The following STXBP5L variants were observed in gnomAD, a reference collection of about 807,000 sequenced individuals.
STXBP5L encodes the protein syntaxin-binding protein 5-like.
A neutral mutation model predicts 144.5 loss-of-function variants in STXBP5L; 65 were observed. The ratio of observed to expected loss-of-function variants is 0.45; its 90% CI spans 0.37 to 0.55. The LOEUF is 0.55. STXBP5L is among the 20% of genes least tolerant of loss of function. STXBP5L has a pLI of 0.00. For missense variants in STXBP5L, 1,298 were observed against 1,405.5 expected (o/e 0.92, Z 1.22); for synonymous variants, 505 against 469.6 (o/e 1.08, Z -0.97).
intron 5 of STXBP5L, among the ~76,000 whole-genome samples, chr3:121,065,200 A>G (rs1159052156): frequency 1.3e-5 from 2 of 152,140 alleles, no homozygotes; most frequent in African/African-American, 2.4e-5. Flanking sequence ...TGTACTAAAC[A>G]TATGAGGGCA....
intron 2 of STXBP5L, among the ~76,000 whole-genome samples, chr3:120,912,482 A>T (rs943187001): frequency 6.6e-6 from 1 of 151,964 alleles, no homozygotes; most frequent in Non-Finnish European, 1.5e-5. Context: ...ATTGTGTAAT[A>T]TCGCCCATAG....
At chr3:121,193,122 A>T (rs1396446193) in intron 9 of STXBP5L, among the ~76,000 whole-genome samples, 1 of 142,834 alleles carries the variant, frequency 7.0e-6, no homozygotes, top group Non-Finnish European at 1.5e-5. Flanking sequence ...AAACAAATTT[A>T]CAAGAAAAAA....
intron 9 of STXBP5L, among the ~76,000 whole-genome samples, chr3:121,182,222 C>A (rs906644759): frequency 6.6e-6 from 1 of 152,148 alleles, no homozygotes; most frequent in Non-Finnish European, 1.5e-5. Flanking sequence ...AATATACATT[C>A]TTCTCATCAG....
chr3:121,285,353 A>G (rs1559935652), intron 19 of STXBP5L, among the ~76,000 whole-genome samples: 1 of 152,046 alleles, frequency 6.6e-6, no homozygotes, highest in Admixed American at 6.6e-5. Flanking sequence ...CACTAAAATT[A>G]CTCGATAGGC....
chr3:121,309,639 C>T (rs775766060), intron 19 of STXBP5L, among the ~76,000 whole-genome samples: 5 of 152,026 alleles, frequency 3.3e-5, no homozygotes, highest in Non-Finnish European at 5.9e-5. Flanking sequence ...TAGAAGACCT[C>T]GATACCAAAA....
At chr3:121,381,111 T>C (rs2046312602) in intron 21 of STXBP5L, among the ~76,000 whole-genome samples, 182 bp from the exon 22 acceptor site, 1 of 152,104 alleles carries the variant, frequency 6.6e-6, no homozygotes, top group Non-Finnish European at 1.5e-5. Flanking sequence ...ATTATACTTC[T>C]AGACTTCAGT....
intron 3 of STXBP5L, among the ~76,000 whole-genome samples, chr3:121,014,965 C>G (rs1444152548): frequency 6.6e-6 from 1 of 151,874 alleles, no homozygotes; most frequent in Middle Eastern, 3.2e-3. Flanking sequence ...AAAGGATATT[C>G]AAGACCTCTA....
At chr3:121,072,707 CTCTG>C (rs2041857257) in intron 5 of STXBP5L, among the ~76,000 whole-genome samples, 1 of 152,174 alleles carries the variant, frequency 6.6e-6, no homozygotes, top group Non-Finnish European at 1.5e-5. Flanking sequence ...CTTTTGGCTT[CTCTG>C]TCTGCCTTTC....
intron 10 of STXBP5L, among the ~76,000 whole-genome samples, chr3:121,218,983 A>G (rs2048890703): frequency 6.6e-6 from 1 of 152,094 alleles, no homozygotes; most frequent in Non-Finnish European, 1.5e-5. Flanking sequence ...TGACATCATT[A>G]TTTCATGTAG....
chr3:121,286,869 A>G (rs143583701), intron 19 of STXBP5L, among the ~76,000 whole-genome samples: 9 of 152,290 alleles, frequency 5.9e-5, no homozygotes, highest in African/African-American at 1.7e-4. Flanking sequence ...AAACCTAACA[A>G]TCACACGCAT....
At chr3:121,252,817 G>A (rs2050069654) in intron 15 of STXBP5L, among the ~76,000 whole-genome samples, 1 of 152,136 alleles carries the variant, frequency 6.6e-6, no homozygotes, top group Non-Finnish European at 1.5e-5. Context: ...TTTGCTCAGG[G>A]TGTCACAAGA....
rs545510610 is a variant in STXBP5L at position 121,422,973 on chromosome 3, T to A, written c.*3876T>A. The A allele has an allele frequency of 6.6e-6, 1 of 152,198 alleles. No homozygotes were observed. The highest frequency in any genetic ancestry group is 2.1e-4 in the South Asian group (1 of 4,824). 9.4% of individuals were successfully genotyped at this position (152,198 alleles called of 1,614,324 possible). A position where few individuals can be genotyped will look rare whatever the true frequency, so the allele number is the denominator to read the frequency against. On this transcript the variant is annotated 3_prime_UTR_variant, in exon 27 of 27. Transcript: ENST00000471454. ...TGAAGAAGATTAAAATAGATTCTTATATTCAAGCAGAAGGGAAAAATGAAG... is the reference window on the plus strand; with the variant it reads ...TGAAGAAGATTAAAATAGATTCTTAAATTCAAGCAGAAGGGAAAAATGAAG...
chr3:120,971,876 A>T lies in STXBP5L; in HGVS notation c.287+16839A>T, dbSNP rs556553377. On this transcript the variant is annotated intron_variant, in intron 3 of 26. Coordinates refer to ENST00000471454, the MANE Select transcript of STXBP5L (RefSeq NM_001308330.2). ...TATCCATGCGCACACATGCATGCAC[A>T]CACACACAGAAGTGTATATGACTGT... Among the ~76,000 whole-genome samples the T allele has an allele frequency of 3.9e-5, 6 of 152,058 alleles. No individual in the cohort carries two copies. The East Asian group carries it at 9.7e-4, about 25-fold the overall frequency.
chr3:120,978,495 C>T (rs538219797), intron 3 of STXBP5L, among the ~76,000 whole-genome samples: 15 of 152,140 alleles, frequency 9.9e-5, no homozygotes, highest in African/African-American at 2.9e-4. Context: ...TTTGAATTTC[C>T]TCCTGTAGCT....
At chr3:121,289,418 C>T (rs958219933) in intron 19 of STXBP5L, among the ~76,000 whole-genome samples, 4 of 152,014 alleles carry the variant, frequency 2.6e-5, no homozygotes, top group African/African-American at 9.7e-5. Context: ...ACTACTAGAC[C>T]TAAGAAATGA....
intron 20 of STXBP5L, among the ~76,000 whole-genome samples, chr3:121,349,549 C>T (rs1429323408): frequency 6.6e-6 from 1 of 152,012 alleles, no homozygotes; most frequent in African/African-American, 2.4e-5. Flanking sequence ...CTAATGTTGA[C>T]AGTGGGGTGT....
intron 3 of STXBP5L, among the ~76,000 whole-genome samples, chr3:121,001,661 C>G (rs1249847645): frequency 2.0e-5 from 3 of 152,158 alleles, no homozygotes; most frequent in Non-Finnish European, 4.4e-5. Flanking sequence ...CTATTTAACT[C>G]ATTCTTTCTC....
At chr3:120,962,797 T>C (rs939403253) in intron 3 of STXBP5L, among the ~76,000 whole-genome samples, 2 of 152,218 alleles carry the variant, frequency 1.3e-5, no homozygotes, top group Non-Finnish European at 2.9e-5. Context: ...AAATAGTTTT[T>C]CCAATTCTGT....
At chr3:121,062,194 CA>C (rs1414942455) in intron 5 of STXBP5L, among the ~76,000 whole-genome samples, 1 of 152,198 alleles carries the variant, frequency 6.6e-6, no homozygotes, top group Non-Finnish European at 1.5e-5. Flanking sequence ...CTGGTGGTGA[CA>C]AAATCTCTCA....
Sources: gnomAD v4.1 joint callset for allele counts (sites outside exome capture counted in the v4.1 genomes callset) on GRCh38, gnomAD v4.1.1 for gene constraint, MANE v1.5 for transcripts, NCBI Gene and HGNC (gene_info 2026-07-23, HGNC 2026-07-21) for gene names.